GSN: variants seen among roughly 807,000 people sequenced by gnomAD.
GSN encodes gelsolin.
A neutral mutation model predicts 85.7 loss-of-function variants in GSN; 56 were observed. That is an observed-to-expected ratio of 0.65 (90% CI 0.53 to 0.82). The LOEUF is 0.82. Ranked by LOEUF, GSN falls within the 40% of genes least tolerant of loss-of-function variation. The pLI, the probability that GSN is intolerant of heterozygous loss-of-function variation, is 0.00. For synonymous variants in GSN, 373 were observed against 399.1 expected, an observed-to-expected ratio of 0.93 and a Z score of 0.78; for missense variants, 857 against 979.8, an observed-to-expected ratio of 0.87 and a Z score of 1.67.
Position 121,318,097 on chromosome 9 carries a change from A to G in GSN, c.887-309A>G, listed in dbSNP as rs537559699. ...CTTCCTTATAGATACTCAGAAAAAGATAACAACTTTTTTTATTACTTAAGA... is the reference window on the plus strand; with the variant it reads ...CTTCCTTATAGATACTCAGAAAAAGGTAACAACTTTTTTTATTACTTAAGA... On this transcript the variant is annotated intron_variant, in intron 8 of 17. Transcript: ENST00000432226. The surrounding 1 kb of genome is among the most constrained non-coding windows in gnomAD (Gnocchi z 4.3). Among the ~76,000 whole-genome samples, 4 of 152,368 alleles carry G rather than the reference A, an allele frequency of 2.6e-5. No homozygotes were observed. Among genetic ancestry groups the G allele is most frequent in the South Asian group, 2.1e-4 (1 of 4,830 alleles).
At chr9:121,323,801 T>G (rs998110770) in intron 11 of GSN, among the ~76,000 whole-genome samples, 3 of 152,218 alleles carry the variant, frequency 2.0e-5, no homozygotes, top group African/African-American at 7.2e-5. Context: ...CTTAACACTT[T>G]TAAAGGGTAC....
At chr9:121,231,362 A>C (rs529833302) in intron 5 of GSN, 1 of 152,200 alleles carries the variant, frequency 6.6e-6, no homozygotes, top group Admixed American at 6.5e-5. Context: ...CTTCTTCTCT[A>C]TCTTTGATAA....
Position 121,299,982 on chromosome 9 carries a change from C to A in GSN, c.-9-1981C>A. Reference sequence around the variant, plus strand: ...GGGGGCGTCCCAGGCGGGGGCGCCCCAGGGGCGGGTGCCCGAGGCGCGGGT... The same window carrying A: ...GGGGGCGTCCCAGGCGGGGGCGCCCAAGGGGCGGGTGCCCGAGGCGCGGGT... On this transcript the variant is annotated intron_variant, in intron 2 of 17. Coordinates refer to ENST00000432226, the MANE Select transcript of GSN (RefSeq NM_198252.3). The surrounding 1 kb of genome is among the most constrained non-coding windows in gnomAD (Gnocchi z 4.2). 1 of 1,402,452 alleles carries A rather than the reference C, an allele frequency of 7.1e-7. No homozygotes were observed. The highest frequency in any genetic ancestry group is 1.9e-5 in the South Asian group (1 of 53,794). The allele number at this position is 1,402,452 out of a possible 1,614,324, so 86.9% of individuals were successfully genotyped here. A position where few individuals can be genotyped will look rare whatever the true frequency, so the allele number is the denominator to read the frequency against.
chr9:121,224,741 G>GA (rs11374663), intron 4 of GSN, among the ~76,000 whole-genome samples: 39,296 of 113,998 alleles, frequency 0.34, 6,205 homozygotes, highest in Middle Eastern at 0.46. Flanking sequence ...TAGGCTACCT[G>GA]AAAAAAAAAA....
At chr9:121,259,516 GT>G (rs943624265) in intron 6 of GSN, among the ~76,000 whole-genome samples, 2 of 152,186 alleles carry the variant, frequency 1.3e-5, no homozygotes, top group Non-Finnish European at 2.9e-5. Context: ...GGGTGCCAAG[GT>G]TTGAAGGTTT....
intron 12 of GSN, 103 bp downstream of exon 12, chr9:121,324,747 GTCTGTCCATCCA>G (rs2062943021): frequency 2.9e-6 from 2 of 700,542 alleles, no homozygotes; most frequent in South Asian, 3.0e-5. Flanking sequence ...CCATCTGTCT[GTCTGTCCATCCA>G]TCCATCCATC....
chr9:121,250,495 G>A (rs1439297000), intron 6 of GSN, among the ~76,000 whole-genome samples: 2 of 151,006 alleles, frequency 1.3e-5, no homozygotes, highest in Non-Finnish European at 1.5e-5. Context: ...GAGCCACGGC[G>A]CCCAGCCGAT....
At chr9:121,279,151 G>A (rs564181207) in intron 1 of GSN, among the ~76,000 whole-genome samples, 4 of 152,308 alleles carry the variant, frequency 2.6e-5, no homozygotes, top group East Asian at 1.9e-4. Flanking sequence ...GAGACTACAC[G>A]GAGGACTCAG....
chr9:121,286,804 C>T (rs952115652), intron 2 of GSN: 44 of 1,483,798 alleles, frequency 3.0e-5, no homozygotes, highest in South Asian at 1.1e-4. Flanking sequence ...AGTCAGACTT[C>T]GGACTTCAGA....
intron 4 of GSN, among the ~76,000 whole-genome samples, chr9:121,227,477 C>G (rs1396144409): frequency 6.6e-6 from 1 of 151,970 alleles, no homozygotes; most frequent in African/African-American, 2.4e-5. Flanking sequence ...TTAATTGGAC[C>G]CAAGTAGGTG....
rs1368971014 is a variant in GSN at position 121,332,806 on chromosome 9, T to G, written c.*203T>G. The G allele has an allele frequency of 5.1e-6, 3 of 586,516 alleles. No individual in the cohort carries two copies. The highest frequency in any genetic ancestry group is 9.1e-6 in the Non-Finnish European group (3 of 330,404). 36.3% of individuals were successfully genotyped at this position (586,516 alleles called of 1,614,324 possible). On this transcript the variant is annotated 3_prime_UTR_variant, in exon 18 of 18. Transcript: ENST00000432226. The surrounding 1 kb of genome is among the most constrained non-coding windows in gnomAD (Gnocchi z 4.8). ...CAAAATTGTCTAAAATGTCAGTGTT[T>G]GGGAAATTAAATCCAATAAAAACAT...
intron 6 of GSN, among the ~76,000 whole-genome samples, chr9:121,249,296 A>C (rs2054766881): frequency 6.7e-6 from 1 of 149,342 alleles, no homozygotes; most frequent in African/African-American, 2.5e-5. Flanking sequence ...TGGTCTGTAC[A>C]AAAAAAAAAA....
chr9:121,282,510 G>A, intron 2 of GSN: 4 of 1,256,428 alleles, frequency 3.2e-6, no homozygotes, highest in Non-Finnish European at 4.0e-6. Flanking sequence ...GGTGACATGA[G>A]CCACCCACAG....
At chr9:121,278,245 G>C (rs1359342131) in intron 1 of GSN, among the ~76,000 whole-genome samples, 1 of 152,150 alleles carries the variant, frequency 6.6e-6, no homozygotes, top group East Asian at 1.9e-4. Context: ...ATTGCTGCCT[G>C]GTAGAGTTAT....
rs558592794 is a variant in GSN at position 121,276,334 on chromosome 9, A to G, written c.-102-5136A>G. On this transcript the variant is annotated intron_variant, in intron 1 of 17. Transcript: ENST00000432226. ...AAGCCCTAGCCCCTCTCAAGGACCT[A>G]TTTTCCTCATCTGTAAAATGGGCTA... Among the ~76,000 whole-genome samples, 16 of 152,238 alleles carry G rather than the reference A, an allele frequency of 1.1e-4. No homozygotes were observed. The East Asian group carries it at 2.7e-3, about 26-fold the overall frequency.
intron 2 of GSN, among the ~76,000 whole-genome samples, chr9:121,298,352 G>A (rs1564462578): frequency 6.6e-6 from 1 of 152,112 alleles, no homozygotes; most frequent in Non-Finnish European, 1.5e-5. Context: ...CTTTCTCCAC[G>A]AAGCCTTCTT....
chr9:121,262,402 A>G lies in GSN; in HGVS notation c.-340-2752A>G, dbSNP rs200389911. 2.9e-4 allele frequency among the ~76,000 whole-genome samples: 44 copies of G among 152,350 alleles called. No individual in the cohort carries two copies. In the East Asian group the frequency reaches 8.5e-3, roughly 29 times the overall value. On this transcript the variant is annotated intron_variant, in intron 6 of 24. Coordinates refer to the GSN transcript ENST00000373823. ...ACAAGAATACCTAACTTAGAGGGCA[A>G]TTGTCAAGCTTAATTGAAATAATAA...
rs1379593555 is a variant in GSN at position 121,223,336 on chromosome 9, TCTGA to T, written c.-527-7826_-527-7823del. On this transcript the variant is annotated intron_variant, in intron 4 of 24. Transcript: ENST00000373823. ...GGGTCCCTCTCCTGCCCTGCTCATG[TCTGA>T]CTAACTACCTACTGTAACATTACTA... Among the ~76,000 whole-genome samples, 11 of 152,286 alleles carry T rather than the reference TCTGA, an allele frequency of 7.2e-5. No homozygotes were observed. The South Asian group carries it at 8.3e-4, about 11-fold the overall frequency.
Position 121,321,312 on chromosome 9 carries a change from C to A in GSN, c.1236C>A (p.Ala412=). Reference sequence around the variant, plus strand: ...CCAACAAGGTGCCCGTGGACCCTGCCACATATGGACAGTTCTATGGAGGCG... The same window carrying A: ...CCAACAAGGTGCCCGTGGACCCTGCAACATATGGACAGTTCTATGGAGGCG... The part of the protein sequence containing the change: ...EGSNKVPVDP[A]TYGQFYGGDS... The change falls in exon 11 of 18, where the codon GCC becomes GCA. Residue 412 remains alanine, a synonymous_variant. Coordinates refer to ENST00000432226, the MANE Select transcript of GSN (RefSeq NM_198252.3). 6.2e-7 allele frequency: 1 copy of A among 1,613,796 alleles called. No individual in the cohort carries two copies. Among genetic ancestry groups the A allele is most frequent in the Non-Finnish European group, 8.5e-7 (1 of 1,179,666 alleles).
Sources: allele counts gnomAD v4.1 joint callset (sites outside exome capture counted in the v4.1 genomes callset), GRCh38; gene constraint gnomAD v4.1.1; non-coding constraint Gnocchi (gnomAD v3.1); transcripts MANE v1.5; gene names NCBI Gene and HGNC (gene_info 2026-07-23, HGNC 2026-07-21).